FOXP2: variants seen among roughly 807,000 people sequenced by gnomAD.
FOXP2 encodes forkhead box P2.
A neutral mutation model predicts 115.8 loss-of-function variants in FOXP2; 12 were observed. The ratio of observed to expected loss-of-function variants is 0.10; its 90% CI spans 0.07 to 0.17. FOXP2 has a LOEUF of 0.17. Among genes scored for constraint, FOXP2 ranks in the 10% least tolerant of loss-of-function variants. The pLI is 1.00. For synonymous variants in FOXP2, 328 were observed against 297.7 expected, an observed-to-expected ratio of 1.10 and a Z score of -1.05; for missense variants, 629 against 843.5, an observed-to-expected ratio of 0.75 and a Z score of 3.15.
chr7:114,663,394 A>T, intron 14 of FOXP2, 56 bp from the exon 15 acceptor site: 2 of 1,241,252 alleles, frequency 1.6e-6, no homozygotes, highest in Non-Finnish European at 2.4e-6. Flanking sequence ...GAGACTATTG[A>T]TATCCACGTT....
At chr7:114,115,741 A>G (rs899425518) in intron 1 of FOXP2, among the ~76,000 whole-genome samples, 15 of 152,234 alleles carry the variant, frequency 9.9e-5, no homozygotes, top group Admixed American at 9.8e-4. Context: ...TGACACATTC[A>G]TCATGGCAGG....
chr7:114,453,627 C>A (rs892575618), intron 2 of FOXP2, among the ~76,000 whole-genome samples: 1 of 152,120 alleles, frequency 6.6e-6, no homozygotes, highest in Admixed American at 6.6e-5. Context: ...GATACATTGA[C>A]AACTAGTAAG....
chr7:114,294,911 T>TATAC lies in FOXP2; in HGVS notation c.-11+6826_-11+6829dup, dbSNP rs199913892. 8.8e-3 allele frequency among the ~76,000 whole-genome samples: 1,321 copies of TATAC among 150,784 alleles called. 11 individuals carry two copies. Among genetic ancestry groups the TATAC allele is most frequent in the Non-Finnish European group, 0.015 (981 of 67,362 alleles). ...ACATACATACATGCATGCATGCATA[T>TATAC]ATACATACATACATACATACATACA... is the stretch of plus-strand genomic sequence containing the variant. On this transcript the variant is annotated intron_variant, in intron 2 of 17. Transcript: ENST00000634411.
At chr7:114,234,793 TC>T (rs1178514931) in intron 1 of FOXP2, among the ~76,000 whole-genome samples, 1 of 152,200 alleles carries the variant, frequency 6.6e-6, no homozygotes, top group Non-Finnish European at 1.5e-5. Context: ...GTCATATTGA[TC>T]TTTTTTCAGC....
chr7:114,669,913 A>C (rs1807402175), intron 16 of FOXP2: 1 of 152,074 alleles, frequency 6.6e-6, no homozygotes, highest in Admixed American at 6.6e-5. Context: ...CTCGTATAAA[A>C]TGTTAAATGA....
intron 2 of FOXP2, among the ~76,000 whole-genome samples, chr7:114,511,206 G>C (rs539153064): frequency 6.6e-6 from 1 of 152,066 alleles, no homozygotes; most frequent in Non-Finnish European, 1.5e-5. Context: ...GGCCTGTCAG[G>C]GGGTGGGGGG....
At chr7:114,252,446 A>C (rs1238331830) in intron 1 of FOXP2, among the ~76,000 whole-genome samples, 1 of 152,112 alleles carries the variant, frequency 6.6e-6, no homozygotes, top group Non-Finnish European at 1.5e-5. Context: ...TTGGTAAGCT[A>C]TTAATTATTG....
chr7:114,544,959 T>A lies in FOXP2; in HGVS notation c.258+10253T>A, dbSNP rs543373150. ...CAATTCATTTTCAAGTCTAAAAAAT[T>A]ACTTGCAAGTCTTATAAAAATGGAG... On this transcript the variant is annotated intron_variant, in intron 3 of 16. Transcript: ENST00000350908. 3.1e-3 allele frequency among the ~76,000 whole-genome samples: 471 copies of A among 152,304 alleles called. 5 individuals carry two copies. Among genetic ancestry groups the A allele is most frequent in the African/African-American group, 0.011 (453 of 41,568 alleles).
In FOXP2 at chr7:114,256,271, T is replaced by A. The variant is rs530794344; in HGVS notation, c.-101-31748T>A. ...GCATGTGCCACCATGCCTGGCTAAT[T>A]TTTTTGTATTTTTTTAGTAGAGACA... On this transcript the variant is annotated intron_variant, in intron 1 of 17. Coordinates refer to the FOXP2 transcript ENST00000634411. Among the ~76,000 whole-genome samples the A allele has an allele frequency of 4.1e-4, 62 of 152,016 alleles. 1 individual carries two copies. In the South Asian group the frequency reaches 0.012, roughly 30 times the overall value.
intron 2 of FOXP2, among the ~76,000 whole-genome samples, chr7:114,459,738 T>G (rs939890488): frequency 6.6e-6 from 1 of 152,000 alleles, no homozygotes; most frequent in South Asian, 2.1e-4. Context: ...GCCTCAGCCT[T>G]CCGGGTAGCT....
chr7:114,182,657 G>A lies in FOXP2; in HGVS notation c.-102+19569G>A, dbSNP rs113383438. Reference sequence around the variant, plus strand: ...AAAATATTTCAAGCTGAAGATCCCAGTCATATAATTAAAAGGCCTAATCCC... The same window carrying A: ...AAAATATTTCAAGCTGAAGATCCCAATCATATAATTAAAAGGCCTAATCCC... On this transcript the variant is annotated intron_variant, in intron 1 of 17. Transcript: ENST00000634411. Among the ~76,000 whole-genome samples, 44 of 150,392 alleles carry A rather than the reference G, an allele frequency of 2.9e-4. 2 individuals carry two copies. The highest frequency in any genetic ancestry group is 9.5e-4 in the African/African-American group (39 of 41,026).
chr7:114,111,342 G>C (rs28552960), intron 1 of FOXP2, among the ~76,000 whole-genome samples: 1 of 152,204 alleles, frequency 6.6e-6, no homozygotes, highest in South Asian at 2.1e-4. Flanking sequence ...TAAAGATCAC[G>C]TGGAGAGACT....
rs554025698 is a variant in FOXP2, at chr7:114,523,839, TA to T, written c.169-10777del. ...ACTCTCCTAGCTAACCTGTCAAATA[TA>T]GATAAGATGGCTTTATTACTCTTAT... On this transcript the variant is annotated intron_variant, in intron 2 of 16. Coordinates refer to ENST00000350908, the MANE Select transcript of FOXP2 (RefSeq NM_014491.4). Among the ~76,000 whole-genome samples the T allele has an allele frequency of 2.3e-4, 35 of 152,240 alleles. No individual in the cohort carries two copies. In the South Asian group the frequency reaches 7.0e-3, roughly 31 times the overall value.
At chr7:114,130,623 G>A (rs928629359) in intron 1 of FOXP2, among the ~76,000 whole-genome samples, 4 of 151,978 alleles carry the variant, frequency 2.6e-5, no homozygotes, top group Admixed American at 2.0e-4. Context: ...TAGTCATCTG[G>A]GACTTTTAAT....
upstream of FOXP2, among the ~76,000 whole-genome samples, chr7:114,160,851 T>C (rs1049916949): frequency 2.0e-5 from 3 of 151,856 alleles, no homozygotes; most frequent in Admixed American, 2.0e-4. Flanking sequence ...CATTTCCATA[T>C]TGATAATGTA....
At chr7:114,343,658 C>T (rs1263304117) in intron 2 of FOXP2, among the ~76,000 whole-genome samples, 5 of 151,616 alleles carry the variant, frequency 3.3e-5, no homozygotes, top group African/African-American at 1.2e-4. Flanking sequence ...TGCATATGCA[C>T]TTCTCTTAGC....
intron 3 of FOXP2, among the ~76,000 whole-genome samples, chr7:114,587,510 G>C (rs909887515): frequency 3.3e-5 from 5 of 151,902 alleles, no homozygotes; most frequent in African/African-American, 1.2e-4. Context: ...GTCTATCATT[G>C]ATGGGCATTT....
chr7:114,653,462 G>T, intron 9 of FOXP2: 1 of 235,526 alleles, frequency 4.2e-6, no homozygotes, highest in Non-Finnish European at 8.6e-6. Context: ...ATTGATGATG[G>T]CAGATTGCAG....
At chr7:114,161,537 G>GT (rs34029607), upstream of FOXP2, among the ~76,000 whole-genome samples, 130,323 of 149,098 alleles carry the variant, frequency 0.87, 57,224 homozygotes, top group Non-Finnish European at 0.91. Flanking sequence ...TCTCACAATA[G>GT]TTTTTTTTTT....
Sources: gnomAD v4.1 joint callset for allele counts (sites outside exome capture counted in the v4.1 genomes callset) on GRCh38, gnomAD v4.1.1 for gene constraint, MANE v1.5 for transcripts, NCBI Gene and HGNC (gene_info 2026-07-23, HGNC 2026-07-21) for gene names.